The following SERGEF variants were observed in gnomAD, a reference collection of about 807,000 sequenced individuals.
SERGEF encodes the protein secretion regulating guanine nucleotide exchange factor, also known as secretion-regulating guanine nucleotide exchange factor.
In SERGEF, 51 loss-of-function variants were observed where a neutral mutation model predicts 50.0. The ratio of observed to expected loss-of-function variants is 1.02; its 90% CI spans 0.81 to 1.29. The LOEUF (loss-of-function observed/expected upper bound fraction) is 1.29. SERGEF is among the 50% of genes most tolerant of loss of function. The probability of loss-of-function intolerance (pLI) is 0.00; values close to 1 mark genes in which losing one functional copy is unlikely to be tolerated. For synonymous variants in SERGEF, 205 were observed against 212.4 expected, an observed-to-expected ratio of 0.97 and a Z score of 0.30; for missense variants, 521 against 557.0, an observed-to-expected ratio of 0.94 and a Z score of 0.65.
At chr11:18,001,634 C>T (rs1853964114) in intron 4 of SERGEF, among the ~76,000 whole-genome samples, 1 of 152,306 alleles carries the variant, frequency 6.6e-6, no homozygotes, top group South Asian at 2.1e-4. Flanking sequence ...GAAACTGTGA[C>T]ATAATAAATG....
intron 9 of SERGEF, among the ~76,000 whole-genome samples, chr11:17,896,617 AGGGAAGGGGAAGGGGAAGGGAAG>A (rs1851632909): frequency 1.1e-4 from 1 of 9,322 alleles, no homozygotes; most frequent in Non-Finnish European, 2.0e-4. Context: ...GGGAAGGGGA[AGGGAAGGGGAAGGGGAAGGGAAG>A]GGGAAGGGAA....
At chr11:18,012,346 C>A (rs1338330498) in intron 1 of SERGEF, among the ~76,000 whole-genome samples, 2 of 152,198 alleles carry the variant, frequency 1.3e-5, no homozygotes, top group Non-Finnish European at 2.9e-5. Context: ...CTCCTCTCTC[C>A]CAGACACACA....
intron 10 of SERGEF, among the ~76,000 whole-genome samples, chr11:17,817,064 C>T (rs2133840553): frequency 6.6e-6 from 1 of 152,222 alleles, no homozygotes; most frequent in African/African-American, 2.4e-5. Context: ...GCTGGTGTTG[C>T]TCTGTCAAAA....
chr11:17,906,387 A>C (rs1851840659), intron 9 of SERGEF, among the ~76,000 whole-genome samples: 1 of 152,194 alleles, frequency 6.6e-6, no homozygotes. Flanking sequence ...TTTTTTATTG[A>C]GAAAAAGCCA....
intron 5 of SERGEF, among the ~76,000 whole-genome samples, chr11:17,997,959 G>A (rs1442169838): frequency 6.6e-6 from 1 of 152,088 alleles, no homozygotes; most frequent in South Asian, 2.1e-4. Context: ...GATGGTGGTG[G>A]TGATTGCATA....
intron 9 of SERGEF, among the ~76,000 whole-genome samples, chr11:17,956,411 T>G (rs1357448976): frequency 6.6e-6 from 1 of 152,224 alleles, no homozygotes; most frequent in Non-Finnish European, 1.5e-5. Flanking sequence ...TAGAGGCCAG[T>G]TGAGTTTACC....
At chr11:17,950,717 C>A (rs1004989815) in intron 9 of SERGEF, among the ~76,000 whole-genome samples, 2 of 152,222 alleles carry the variant, frequency 1.3e-5, no homozygotes, top group East Asian at 3.9e-4. Context: ...TTGCTCTCAG[C>A]AGACCACTGA....
intron 9 of SERGEF, among the ~76,000 whole-genome samples, chr11:17,933,588 T>G (rs1852393846): frequency 6.6e-6 from 1 of 152,054 alleles, no homozygotes; most frequent in African/African-American, 2.4e-5. Flanking sequence ...TTCAACAAAC[T>G]GTTGTGATAA....
intron 10 of SERGEF, among the ~76,000 whole-genome samples, chr11:17,835,614 C>T (rs1302018618): frequency 6.6e-6 from 1 of 152,204 alleles, no homozygotes; most frequent in East Asian, 1.9e-4. Context: ...ATGCCTAGCA[C>T]AAAACCTTGC....
intron 9 of SERGEF, among the ~76,000 whole-genome samples, chr11:17,932,870 T>C (rs1216789251): frequency 6.6e-6 from 1 of 152,166 alleles, no homozygotes; most frequent in South Asian, 2.1e-4. Context: ...GTGGCCCTAA[T>C]TAAAGAGCAT....
intron 4 of SERGEF, among the ~76,000 whole-genome samples, chr11:18,002,345 C>T (rs1286514343): frequency 1.3e-5 from 2 of 152,140 alleles, no homozygotes; most frequent in African/African-American, 4.8e-5. Context: ...GACCTCCCTA[C>T]CATGTTGTTC....
At chr11:17,859,098 C>T (rs758727631) in intron 10 of SERGEF, among the ~76,000 whole-genome samples, 6 of 152,058 alleles carry the variant, frequency 3.9e-5, no homozygotes, top group Non-Finnish European at 5.9e-5. Flanking sequence ...AATGCATCTA[C>T]AGGGCAAACA....
chr11:17,973,220 T>G (rs1853289169), intron 8 of SERGEF, among the ~76,000 whole-genome samples: 1 of 152,098 alleles, frequency 6.6e-6, no homozygotes, highest in Non-Finnish European at 1.5e-5. Flanking sequence ...TCCCAGCACT[T>G]GGCCATGGGA....
At chr11:17,990,842 C>T (rs1853699578) in intron 7 of SERGEF, among the ~76,000 whole-genome samples, 1 of 151,630 alleles carries the variant, frequency 6.6e-6, no homozygotes, top group Non-Finnish European at 1.5e-5. Context: ...TCTCGGCTCA[C>T]TGCAACCTCC....
intron 9 of SERGEF, chr11:17,926,990 A>G (rs728639): frequency 0.37 from 138,656 of 372,742 alleles, 27,762 homozygotes; most frequent in East Asian, 0.5. Context: ...GCCTGTCACC[A>G]TGTTCTTTGG....
chr11:17,946,052 C>T (rs1359825385), intron 9 of SERGEF, among the ~76,000 whole-genome samples: 1 of 152,040 alleles, frequency 6.6e-6, no homozygotes, highest in East Asian at 1.9e-4. Flanking sequence ...AGAGCTCTAG[C>T]CAACTAGAAT....
chr11:17,848,963 G>C (rs1037054600), intron 10 of SERGEF, among the ~76,000 whole-genome samples: 10 of 152,132 alleles, frequency 6.6e-5, no homozygotes, highest in African/African-American at 2.4e-4. Flanking sequence ...CAACATCTGG[G>C]TCTCCCAACC....
intron 9 of SERGEF, among the ~76,000 whole-genome samples, chr11:17,950,574 A>C (rs1457230440): frequency 6.6e-6 from 1 of 152,190 alleles, no homozygotes; most frequent in African/African-American, 2.4e-5. Context: ...CTTACCAACT[A>C]AGAAGCTGTC....
chr11:17,821,536 C>T (rs1164359780), intron 10 of SERGEF, among the ~76,000 whole-genome samples: 2 of 152,142 alleles, frequency 1.3e-5, no homozygotes, highest in African/African-American at 2.4e-5. Flanking sequence ...GAATTAATTG[C>T]AGTTCCTCAA....
Sources: gnomAD v4.1 joint callset for allele counts (sites outside exome capture counted in the v4.1 genomes callset) on GRCh38, gnomAD v4.1.1 for gene constraint, MANE v1.5 for transcripts, NCBI Gene and HGNC (gene_info 2026-07-23, HGNC 2026-07-21) for gene names.